CNIH3: variants seen among roughly 807,000 people sequenced by gnomAD.
The protein encoded by CNIH3 is protein cornichon homolog 3.
In CNIH3, 14 loss-of-function variants were observed where a neutral mutation model predicts 24.1. The ratio of observed to expected loss-of-function variants is 0.58; its 90% CI spans 0.38 to 0.91. The LOEUF is 0.91. Among genes scored for constraint, CNIH3 ranks in the 40% least tolerant of loss-of-function variants. The probability of loss-of-function intolerance (pLI) is 0.00; values close to 1 mark genes in which losing one functional copy is unlikely to be tolerated. For missense variants in CNIH3, 178 were observed against 196.8 expected (o/e 0.90, Z 0.57); for synonymous variants, 68 against 73.8 (o/e 0.92, Z 0.40).
At chr1:224,735,457 C>A (rs376834723) in intron 5 of CNIH3, among the ~76,000 whole-genome samples, 1 of 152,086 alleles carries the variant, frequency 6.6e-6, no homozygotes, top group Admixed American at 6.5e-5. Context: ...CTGTCACTTG[C>A]GATTCCATCA....
intron 1 of CNIH3, among the ~76,000 whole-genome samples, chr1:224,641,354 C>G (rs756936517): frequency 1.2e-4 from 19 of 152,214 alleles, no homozygotes; most frequent in Middle Eastern, 3.2e-3. Flanking sequence ...GCTGGGAACC[C>G]TCCCCTCCAT....
In CNIH3 at chr1:224,739,366, C is replaced by T; in HGVS notation, c.*10C>T. ...TTTAGTGAGCTCTTAACGCAAAGAC[C>T]ATGCACATCATCAGAGACTGAGATG... On this transcript the variant is annotated 3_prime_UTR_variant, in exon 6 of 6. Transcript: ENST00000272133. 6.4e-7 allele frequency: 1 copy of T among 1,563,272 alleles called. No individual in the cohort carries two copies. Among genetic ancestry groups the T allele is most frequent in the South Asian group, 1.1e-5 (1 of 88,610 alleles).
intron 3 of CNIH3, among the ~76,000 whole-genome samples, chr1:224,692,736 C>T (rs1050227576): frequency 6.6e-6 from 1 of 152,192 alleles, no homozygotes; most frequent in Non-Finnish European, 1.5e-5. Flanking sequence ...CCGAGAGTCT[C>T]CTATTTCTTA....
intron 4 of CNIH3, among the ~76,000 whole-genome samples, chr1:224,581,414 T>G (rs1398572879): frequency 6.6e-6 from 1 of 152,240 alleles, no homozygotes; most frequent in Non-Finnish European, 1.5e-5. Context: ...TCTACCCTTT[T>G]GAAAACCTTT....
intron 1 of CNIH3, among the ~76,000 whole-genome samples, chr1:224,450,776 AC>A (rs766229891): frequency 7.9e-5 from 12 of 152,118 alleles, no homozygotes; most frequent in East Asian, 3.9e-4. Context: ...GGGAGCAGAC[AC>A]CCCCTCCACA....
chr1:224,701,408 CA>C (rs1447009278), intron 3 of CNIH3, among the ~76,000 whole-genome samples: 5 of 152,124 alleles, frequency 3.3e-5, no homozygotes, highest in African/African-American at 1.2e-4. Flanking sequence ...GGTTCATAGA[CA>C]GCTGTCTTCT....
rs75338267 is a variant in CNIH3, at chr1:224,654,744, G to C, written c.82-26214G>C. On this transcript the variant is annotated intron_variant, in intron 1 of 5. Coordinates refer to ENST00000272133, the MANE Select transcript of CNIH3 (RefSeq NM_152495.2). ...GCCCAAAGCCAGATAGTCTACAGGA[G>C]CATTACCAAGATTTTTAATAAAAAA... Among the ~76,000 whole-genome samples, 302 of 152,242 alleles carry C rather than the reference G, an allele frequency of 2.0e-3. 3 individuals are homozygous for C. Among genetic ancestry groups the C allele is most frequent in the East Asian group, 9.1e-3 (47 of 5,176 alleles).
At position 224,628,594 on chromosome 1, in the gene CNIH3, T is replaced by C. The variant is rs141873482; in HGVS notation, c.81+11339T>C. Among the ~76,000 whole-genome samples, 1,180 of 152,260 alleles carry C rather than the reference T, an allele frequency of 7.7e-3. 15 individuals carry two copies. Among genetic ancestry groups the C allele is most frequent in the South Asian group, 0.023 (112 of 4,826 alleles). On this transcript the variant is annotated intron_variant, in intron 1 of 5. Transcript: ENST00000272133. ...CATAATGTCTTCAAGGTTCATCATA[T>C]TGTAGCCTGTGTCAGCATTTCTCTC...
At chr1:224,710,245 C>A (rs1431772733) in intron 3 of CNIH3, among the ~76,000 whole-genome samples, 1 of 152,224 alleles carries the variant, frequency 6.6e-6, no homozygotes, top group Non-Finnish European at 1.5e-5. Flanking sequence ...GGATTTACAC[C>A]ACATCTCTTG....
chr1:224,731,636 A>T (rs1022427415), intron 4 of CNIH3, among the ~76,000 whole-genome samples: 2 of 152,272 alleles, frequency 1.3e-5, no homozygotes, highest in African/African-American at 2.4e-5. Flanking sequence ...ATTGTGAGGG[A>T]TTTCACGTTA....
intron 3 of CNIH3, among the ~76,000 whole-genome samples, chr1:224,721,157 T>C (rs912518232): frequency 6.6e-6 from 1 of 152,190 alleles, no homozygotes; most frequent in African/African-American, 2.4e-5. Context: ...GTCATTTACA[T>C]TGAGTCTCCC....
At chr1:224,698,346 A>G (rs1418679958) in intron 3 of CNIH3, among the ~76,000 whole-genome samples, 1 of 152,252 alleles carries the variant, frequency 6.6e-6, no homozygotes, top group Non-Finnish European at 1.5e-5. Context: ...TTATAGCACA[A>G]GGAGGTAGGC....
At chr1:224,607,111 A>G (rs940610553) in intron 3 of CNIH3, among the ~76,000 whole-genome samples, 1 of 152,270 alleles carries the variant, frequency 6.6e-6, no homozygotes, top group Non-Finnish European at 1.5e-5. Context: ...TCTTAGGTAT[A>G]CAAGGGCATG....
At position 224,565,017 on chromosome 1, in the gene CNIH3, T is replaced by C. The variant is rs142848760; in HGVS notation, n.451-1182T>C. Among the ~76,000 whole-genome samples the C allele has an allele frequency of 2.8e-3, 431 of 152,338 alleles. 1 individual carries two copies. Among genetic ancestry groups the C allele is most frequent in the African/African-American group, 9.8e-3 (408 of 41,578 alleles). ...CACATCACAAATGACCCTAAGGCTATGTGTGAGCAGATTTGAAAATAAAAA... is the reference window on the plus strand; with the variant it reads ...CACATCACAAATGACCCTAAGGCTACGTGTGAGCAGATTTGAAAATAAAAA... On this transcript the variant is annotated intron_variant and non_coding_transcript_variant, in intron 3 of 5. Transcript: ENST00000471578.
intron 3 of CNIH3, among the ~76,000 whole-genome samples, chr1:224,555,756 A>G (rs1488256542): frequency 6.6e-6 from 1 of 152,250 alleles, no homozygotes; most frequent in Non-Finnish European, 1.5e-5. Flanking sequence ...TGTTCCTTTT[A>G]GAGTTTTGAG....
intron 3 of CNIH3, among the ~76,000 whole-genome samples, chr1:224,561,278 T>C (rs1406785661): frequency 1.3e-5 from 2 of 152,204 alleles, no homozygotes; most frequent in Non-Finnish European, 1.5e-5. Flanking sequence ...TTTTCCTTTA[T>C]GGTTTACAGA....
rs149634906 is a variant in CNIH3, at chr1:224,686,728, A to G, written c.198+1885A>G. Among the ~76,000 whole-genome samples, 872 of 152,252 alleles carry G rather than the reference A, an allele frequency of 5.7e-3. 9 individuals carry two copies. Among genetic ancestry groups the G allele is most frequent in the African/African-American group, 0.019 (806 of 41,534 alleles). On this transcript the variant is annotated intron_variant, in intron 3 of 5. Transcript: ENST00000272133. ...TATCCATCACCTTTTATCCTTGCTTATTCTTTTATGCTGCTTGACCAGTGA... is the reference window on the plus strand; with the variant it reads ...TATCCATCACCTTTTATCCTTGCTTGTTCTTTTATGCTGCTTGACCAGTGA...
chr1:224,598,913 A>G (rs1682097349), intron 3 of CNIH3, among the ~76,000 whole-genome samples: 1 of 152,130 alleles, frequency 6.6e-6, no homozygotes, highest in South Asian at 2.1e-4. Context: ...AACCAATCTC[A>G]CAGTATCTCC....
At chr1:224,538,830 ATT>A (rs71574506), downstream of CNIH3, among the ~76,000 whole-genome samples, 6,394 of 123,874 alleles carry the variant, frequency 0.052, 256 homozygotes, top group African/African-American at 0.19. Flanking sequence ...AGCTAATTAC[ATT>A]TTTTTTTTTT....
Sources: allele counts gnomAD v4.1 joint callset (sites outside exome capture counted in the v4.1 genomes callset), GRCh38; gene constraint gnomAD v4.1.1; transcripts MANE v1.5; gene names NCBI Gene and HGNC (gene_info 2026-07-23, HGNC 2026-07-21).